Variants in TEX15 observed in about 807,000 individuals in gnomAD.
TEX15 encodes the protein testis expressed 15, meiosis and synapsis associated.
A neutral mutation model predicts 237.3 loss-of-function variants in TEX15; 171 were observed. The observed-to-expected ratio is 0.72, with a 90% CI of 0.64 to 0.82. The LOEUF is 0.82. Among genes scored for constraint, TEX15 ranks in the 40% least tolerant of loss-of-function variants. TEX15 has a pLI of 0.00. For synonymous variants in TEX15, 1,338 were observed against 1,269.8 expected (o/e 1.05, Z -1.14); for missense variants, 3,750 against 3,646.5 (o/e 1.03, Z -0.73).
intron 2 of TEX15, among the ~76,000 whole-genome samples, chr8:30,897,083 G>A (rs896407179): frequency 2.0e-5 from 3 of 151,970 alleles, no homozygotes; most frequent in African/African-American, 7.3e-5. Context: ...TTACAAAATC[G>A]GGTTGAAAAA....
chr8:30,903,805 A>T (rs1368591076), intron 1 of TEX15, among the ~76,000 whole-genome samples: 1 of 152,212 alleles, frequency 6.6e-6, no homozygotes, highest in Non-Finnish European at 1.5e-5. Context: ...ATGCAGATAT[A>T]AACAGAGAGA....
At chr8:30,834,455 A>C (rs1807247707) in intron 10 of TEX15, among the ~76,000 whole-genome samples, 1 of 149,950 alleles carries the variant, frequency 6.7e-6, no homozygotes, top group Admixed American at 6.8e-5. Context: ...TACAGGCATG[A>C]GCTACTGCGT....
rs1049652912 is a variant in TEX15, at chr8:30,845,669, G to C, written c.4498C>G (p.His1500Asp). ...TCTCCCATGTGACTGGTGGTGGGGTGACTTTTTGAGACACTGCTAGCCATA... is the reference window on the plus strand; with the variant it reads ...TCTCCCATGTGACTGGTGGTGGGGTCACTTTTTGAGACACTGCTAGCCATA... Reference protein sequence around the residue: ...KSMASSVSKSHPTTSHMGEFC... With the variant: ...KSMASSVSKSDPTTSHMGEFC... The change falls in exon 8 of 11, where the codon CAC (histidine) becomes GAC (aspartate). Residue 1500 changes from histidine (H) to aspartate (D), a missense_variant. His to Asp is a moderately conservative substitution (Grantham distance 81). Transcript: ENST00000643185. The C allele has an allele frequency of 6.2e-7, 1 of 1,613,512 alleles. No individual in the cohort carries two copies. Among genetic ancestry groups the C allele is most frequent in the South Asian group, 1.1e-5 (1 of 91,040 alleles).
intron 2 of TEX15, among the ~76,000 whole-genome samples, chr8:30,894,060 A>C (rs1332020272): frequency 6.6e-6 from 1 of 152,138 alleles, no homozygotes; most frequent in Admixed American, 6.6e-5. Context: ...TAGTCCATTG[A>C]GTTAACTATA....
intron 7 of TEX15, among the ~76,000 whole-genome samples, chr8:30,852,458 C>T (rs1402235675): frequency 1.3e-5 from 2 of 152,090 alleles, no homozygotes; most frequent in Non-Finnish European, 2.9e-5. Flanking sequence ...GAACAATTTG[C>T]TCAGAATCAC....
chr8:30,912,134 C>T (rs1809234439), intron 1 of TEX15, among the ~76,000 whole-genome samples: 1 of 152,206 alleles, frequency 6.6e-6, no homozygotes, highest in Non-Finnish European at 1.5e-5. Context: ...CCGCGCCGCC[C>T]TCACCTACCG....
rs147311818 is a variant in TEX15 at position 30,843,508 on chromosome 8, T to C, written c.6659A>G (p.Asn2220Ser). 5.3e-5 allele frequency: 86 copies of C among 1,612,918 alleles called. No homozygotes were observed. Among genetic ancestry groups the C allele is most frequent in the Admixed American group, 8.3e-5 (5 of 59,940 alleles). Residue 2220 changes from asparagine to serine, a missense_variant, in exon 8 of 11, where the codon AAT (asparagine) becomes AGT (serine). Coordinates refer to ENST00000643185, the MANE Select transcript of TEX15 (RefSeq NM_001350162.2). ...AACTTTAGGAGAGTCCCCACATACA[T>C]TGATCAACTTTAAAGTACTTTTTCT... Reference protein sequence around the residue: ...ILRKSTLKLINVCGDSPKVHS... With the variant: ...ILRKSTLKLISVCGDSPKVHS...
chr8:30,847,949 C>A lies in TEX15; in HGVS notation c.2218G>T (p.Ala740Ser). The A allele has an allele frequency of 6.2e-7, 1 of 1,613,926 alleles. No homozygotes were observed. The highest frequency in any genetic ancestry group is 1.3e-5 in the African/African-American group (1 of 75,042). ...EYEGNIHTSL[A>S]IAQKLMELKL... Reference sequence around the variant, plus strand: ...AGTTCCATTAGCTTTTGAGCAATGGCTAAACTTGTATGAATGTTACCCTCA... The same window carrying A: ...AGTTCCATTAGCTTTTGAGCAATGGATAAACTTGTATGAATGTTACCCTCA... The change falls in exon 8 of 11, where the codon GCC (alanine) becomes TCC (serine). Residue 740 changes from alanine (A) to serine (S), a missense_variant. Ala to Ser is a moderately conservative substitution (Grantham distance 99, BLOSUM62 1). Coordinates refer to ENST00000643185, the MANE Select transcript of TEX15 (RefSeq NM_001350162.2).
Position 30,843,664 on chromosome 8 carries a change from T to C in TEX15, c.6503A>G (p.Lys2168Arg). The part of the protein sequence containing the change: ...REKNSYYVFL[K>R]YKRQVNECEA... ...ACATTCATTAACCTGTCGTTTGTAC[T>C]TTAAGAATACATAGTATGAATTCTT... Residue 2168 changes from lysine to arginine, a missense_variant, in exon 8 of 11, where the codon AAG becomes AGG. Coordinates refer to ENST00000643185, the MANE Select transcript of TEX15 (RefSeq NM_001350162.2). 6.2e-7 allele frequency: 1 copy of C among 1,612,198 alleles called. No individual in the cohort carries two copies. Among genetic ancestry groups the C allele is most frequent in the Non-Finnish European group, 8.5e-7 (1 of 1,179,350 alleles).
intron 2 of TEX15, among the ~76,000 whole-genome samples, chr8:30,896,959 G>A (rs1479346566): frequency 6.6e-6 from 1 of 151,988 alleles, no homozygotes; most frequent in African/African-American, 2.4e-5. Context: ...GTGGTGGGAG[G>A]GTATCTAAAT....
rs564536773 is a variant in TEX15, at chr8:30,906,311, C to T, written c.-86+6568G>A. Among the ~76,000 whole-genome samples, 22 of 152,110 alleles carry T rather than the reference C, an allele frequency of 1.4e-4. No homozygotes were observed. In the South Asian group the frequency reaches 2.5e-3, roughly 17 times the overall value. On this transcript the variant is annotated intron_variant, in intron 1 of 10. Coordinates refer to ENST00000643185, the MANE Select transcript of TEX15 (RefSeq NM_001350162.2). ...CCTTAAAAGAGAACAAGCAGCTGGG[C>T]GCAGTGGCTCACGCCTGTAATCCCA...
In TEX15 at chr8:30,837,396, T is replaced by C; in HGVS notation, c.8888A>G (p.Asp2963Gly). The C allele has an allele frequency of 6.2e-7, 1 of 1,614,164 alleles. No homozygotes were observed. The highest frequency in any genetic ancestry group is 8.5e-7 in the Non-Finnish European group (1 of 1,179,980). The change falls in exon 10 of 11, where the codon GAC becomes GGC. Residue 2963 changes from aspartate (D) to glycine (G), a missense_variant. Physicochemically the swap from Asp to Gly is moderately conservative, Grantham distance 94. Transcript: ENST00000643185. ...KLQPTETESE[D>G]KYMKDTLNPN... ...ATTCAATGTATCCTTCATGTATTTG[T>C]CCTCTGACTCAGTTTCTGTAGGCTG...
intron 2 of TEX15, among the ~76,000 whole-genome samples, chr8:30,890,364 T>G (rs1808771959): frequency 6.6e-6 from 1 of 152,160 alleles, no homozygotes; most frequent in Non-Finnish European, 1.5e-5. Context: ...ATCCTGTTAT[T>G]ATTAGGAGGA....
intron 4 of TEX15, among the ~76,000 whole-genome samples, chr8:30,872,780 T>A (rs998743145): frequency 6.6e-6 from 1 of 152,058 alleles, no homozygotes; most frequent in African/African-American, 2.4e-5. Flanking sequence ...AAAAAGTGTA[T>A]AGAATAAGGA....
intron 1 of TEX15, among the ~76,000 whole-genome samples, chr8:30,911,710 TCTC>T (rs1809222920): frequency 6.6e-6 from 1 of 152,048 alleles, no homozygotes; most frequent in South Asian, 2.1e-4. Context: ...GACCTCAGCC[TCTC>T]CACTTTCTCG....
At position 30,910,837 on chromosome 8, in the gene TEX15, G is replaced by A. The variant is rs186763271; in HGVS notation, c.-86+2042C>T. On this transcript the variant is annotated intron_variant, in intron 1 of 10. Transcript: ENST00000643185. The stretch of plus-strand genomic sequence containing the variant: ...TTTGACATCTTTATGATTAGGTAGG[G>A]TTCAGATTTTAAAATATCTTTGCAA... Among the ~76,000 whole-genome samples the A allele has an allele frequency of 6.0e-4, 91 of 151,880 alleles. 1 individual carries two copies. In the East Asian group the frequency reaches 0.015, roughly 24 times the overall value.
chr8:30,895,945 C>T (rs1808897975), intron 2 of TEX15, among the ~76,000 whole-genome samples: 1 of 152,068 alleles, frequency 6.6e-6, no homozygotes, highest in Non-Finnish European at 1.5e-5. Flanking sequence ...TCCCAAAGTG[C>T]TGAGATTACA....
chr8:30,868,244 T>G (rs1808215835), intron 4 of TEX15, among the ~76,000 whole-genome samples: 1 of 152,058 alleles, frequency 6.6e-6, no homozygotes, highest in Non-Finnish European at 1.5e-5. Flanking sequence ...ATTCTATTAC[T>G]TCCATTACAA....
At chr8:30,908,280 C>T (rs1809150540) in intron 1 of TEX15, among the ~76,000 whole-genome samples, 1 of 151,788 alleles carries the variant, frequency 6.6e-6, no homozygotes, top group South Asian at 2.1e-4. Context: ...GGGTGGTCTC[C>T]GACTTCTGGA....
Sources: allele counts gnomAD v4.1 joint callset (sites outside exome capture counted in the v4.1 genomes callset), GRCh38; gene constraint gnomAD v4.1.1; transcripts MANE v1.5; gene names NCBI Gene and HGNC (gene_info 2026-07-23, HGNC 2026-07-21).